The following SAV1 variants were observed in gnomAD, a reference collection of about 807,000 sequenced individuals.
SAV1 encodes protein salvador homolog 1.
SAV1 carries 23 observed loss-of-function variants against 47.3 expected under a neutral mutation model. The ratio of observed to expected loss-of-function variants is 0.49; its 90% CI spans 0.35 to 0.69. The LOEUF (loss-of-function observed/expected upper bound fraction) is 0.69. SAV1 is among the 30% of genes least tolerant of loss of function. The pLI is 0.01. For missense variants in SAV1, 448 were observed against 457.4 expected, an observed-to-expected ratio of 0.98 and a Z score of 0.19; for synonymous variants, 155 against 159.2, an observed-to-expected ratio of 0.97 and a Z score of 0.20.
Position 50,668,058 on chromosome 14 carries a change from C to T in SAV1, c.-91G>A, listed in dbSNP as rs966401700. ...GTCTCCGCCGCCACCTCCGCCGGCG[C>T]CGCCGCCTCCTTCCCTCCCGAGCCG... On this transcript the variant is annotated 5_prime_UTR_variant, in exon 1 of 5. Coordinates refer to ENST00000324679, the MANE Select transcript of SAV1 (RefSeq NM_021818.4). 6.6e-6 allele frequency: 6 copies of T among 909,928 alleles called. No individual in the cohort carries two copies. Among genetic ancestry groups the T allele is most frequent in the Admixed American group, 4.1e-5 (1 of 24,266 alleles). 56.4% of individuals were successfully genotyped at this position (909,928 alleles called of 1,614,324 possible). A position where few individuals can be genotyped will look rare whatever the true frequency, so the allele number is the denominator to read the frequency against.
At chr14:50,635,897 CAG>C (rs2039631105) in intron 4 of SAV1, among the ~76,000 whole-genome samples, 2 of 152,082 alleles carry the variant, frequency 1.3e-5, no homozygotes, top group Admixed American at 1.3e-4. Flanking sequence ...TTAGTAGAGA[CAG>C]AGTTTCACCA....
chr14:50,634,016 G>T lies in SAV1; in HGVS notation c.*1167C>A, dbSNP rs2039609904. 4 of 260,698 alleles carry T rather than the reference G, an allele frequency of 1.5e-5. No homozygotes were observed. The highest frequency in any genetic ancestry group is 3.2e-5 in the Non-Finnish European group (4 of 123,260). The allele number at this position is 260,698 out of a possible 1,614,324, so 16.1% of individuals were successfully genotyped here. On this transcript the variant is annotated 3_prime_UTR_variant, in exon 5 of 5. Transcript: ENST00000324679. ...TGATAAATACTTAGAAAATTAAAAA[G>T]TAATAATATACATTCGATTTAATGA... is the stretch of plus-strand genomic sequence containing the variant.
intron 3 of SAV1, among the ~76,000 whole-genome samples, chr14:50,643,435 C>T (rs1272334149): frequency 6.6e-6 from 1 of 152,042 alleles, no homozygotes; most frequent in African/African-American, 2.4e-5. Context: ...GGGGGAACTG[C>T]CACACACTTT....
At chr14:50,659,278 A>C (rs1037120270) in intron 2 of SAV1, among the ~76,000 whole-genome samples, 4 of 152,182 alleles carry the variant, frequency 2.6e-5, no homozygotes, top group African/African-American at 7.2e-5. Context: ...GTGTGTTCCA[A>C]TAAAACTACT....
intron 4 of SAV1, among the ~76,000 whole-genome samples, chr14:50,636,676 A>G (rs2039637787): frequency 6.6e-6 from 1 of 152,214 alleles, no homozygotes; most frequent in Admixed American, 6.5e-5. Context: ...TAAAGATGAA[A>G]AACACTAAAA....
rs75872530 is a variant in SAV1, at chr14:50,652,515, T to C, written c.536-7501A>G. On this transcript the variant is annotated intron_variant, in intron 2 of 4. Transcript: ENST00000324679. ...ATGCACAATATGAGCCTGGAACATC[T>C]AGTCACATTAGAAAGCAAAGAGAAA... 9.2e-3 allele frequency among the ~76,000 whole-genome samples: 1,401 copies of C among 152,228 alleles called. 28 individuals are homozygous for C. The highest frequency in any genetic ancestry group is 0.079 in the East Asian group (409 of 5,182).
intron 4 of SAV1, among the ~76,000 whole-genome samples, chr14:50,640,407 A>G (rs1233250314): frequency 2.0e-5 from 3 of 152,200 alleles, no homozygotes; most frequent in Non-Finnish European, 2.9e-5. Context: ...GGTGTGAGCC[A>G]CTGTGCCAAG....
At chr14:50,655,428 C>A (rs1566745395) in intron 2 of SAV1, among the ~76,000 whole-genome samples, 1 of 77,352 alleles carries the variant, frequency 1.3e-5, no homozygotes, top group Non-Finnish European at 2.2e-5. Flanking sequence ...ACAAAAGCTG[C>A]CTTTTTTTTT....
chr14:50,664,954 C>T (rs961468751), intron 2 of SAV1: 7 of 478,758 alleles, frequency 1.5e-5, no homozygotes, highest in Non-Finnish European at 2.3e-5. Context: ...GAGATAAATA[C>T]CAAGTTTACA....
intron 2 of SAV1, among the ~76,000 whole-genome samples, chr14:50,654,544 T>C (rs762700518): frequency 2.6e-5 from 4 of 152,182 alleles, no homozygotes; most frequent in Non-Finnish European, 5.9e-5. Flanking sequence ...CAGATCACCA[T>C]AACAGGCAGA....
chr14:50,665,272 G>C lies in SAV1; in HGVS notation c.442C>G (p.Leu148Val). The C allele has an allele frequency of 6.2e-7, 1 of 1,613,836 alleles. No individual in the cohort carries two copies. The highest frequency in any genetic ancestry group is 8.5e-7 in the Non-Finnish European group (1 of 1,179,804). ...TAGTCTTCATGTGCACGATCTCCAA[G>C]TGGCCGCTTTCTCTGACCATCAAAA... ...NFFDGQRKRP[L>V]GDRAHEDYRY... Residue 148 changes from leucine (L) to valine (V), a missense_variant, in exon 2 of 5, where the codon CTT (leucine) becomes GTT (valine). Coordinates refer to ENST00000324679, the MANE Select transcript of SAV1 (RefSeq NM_021818.4).
At chr14:50,638,543 A>C (rs1045814881) in intron 4 of SAV1, among the ~76,000 whole-genome samples, 3 of 152,050 alleles carry the variant, frequency 2.0e-5, no homozygotes, top group Non-Finnish European at 4.4e-5. Context: ...CATGTAGCCT[A>C]AGTCCCCTGC....
At chr14:50,642,645 A>T (rs919967572) in intron 3 of SAV1, among the ~76,000 whole-genome samples, 1 of 152,210 alleles carries the variant, frequency 6.6e-6, no homozygotes, top group Non-Finnish European at 1.5e-5. Context: ...AGGGAGAAAA[A>T]AAAGAAAATG....
chr14:50,660,949 T>C (rs1454300189), intron 2 of SAV1, among the ~76,000 whole-genome samples: 12 of 152,228 alleles, frequency 7.9e-5, no homozygotes, highest in Admixed American at 7.9e-4. Context: ...GATATACTGA[T>C]TTCTTTTCCT....
chr14:50,659,309 A>G (rs114969218), intron 2 of SAV1, among the ~76,000 whole-genome samples: 489 of 152,298 alleles, frequency 3.2e-3, no homozygotes, highest in African/African-American at 0.011. Flanking sequence ...AGGCAAGTCT[A>G]TCTGGCCTAT....
intron 2 of SAV1, among the ~76,000 whole-genome samples, chr14:50,660,404 C>T (rs559914031): frequency 1.1e-4 from 17 of 152,304 alleles, no homozygotes; most frequent in South Asian, 2.1e-4. Flanking sequence ...TTCTTCTTTA[C>T]AGTATCTGCT....
Position 50,635,331 on chromosome 14 carries a change from T to C in SAV1, c.1004A>G (p.Tyr335Cys), listed in dbSNP as rs778004302. 4 of 1,613,974 alleles carry C rather than the reference T, an allele frequency of 2.5e-6. No individual in the cohort carries two copies. Reference protein sequence around the residue: ...ELFQLADLDTYQGMLKLLFMK... With the variant: ...ELFQLADLDTCQGMLKLLFMK... ...GAAGAGCAACTTTAGCATTCCCTGG[T>C]ATGTATCCAGGTCAGCCAGCTGGAA... The change falls in exon 5 of 5, where the codon TAC becomes TGC. Residue 335 changes from tyrosine to cysteine, a missense_variant. By Grantham distance (194) the Tyr-to-Cys change is radical (BLOSUM62 -2). Transcript: ENST00000324679.
chr14:50,646,731 GAT>G (rs948559476), intron 2 of SAV1, among the ~76,000 whole-genome samples: 2 of 148,776 alleles, frequency 1.3e-5, no homozygotes, highest in Non-Finnish European at 3.0e-5. Flanking sequence ...TGTAGATACA[GAT>G]AGTTATTAAA....
At chr14:50,635,847 T>C (rs918799859) in intron 4 of SAV1, among the ~76,000 whole-genome samples, 21 of 152,158 alleles carry the variant, frequency 1.4e-4, no homozygotes, top group Non-Finnish European at 1.6e-4. Flanking sequence ...GTAGCTGGGA[T>C]TACAGGCATG....
Sources: allele counts gnomAD v4.1 joint callset (sites outside exome capture counted in the v4.1 genomes callset), GRCh38; gene constraint gnomAD v4.1.1; transcripts MANE v1.5; gene names NCBI Gene and HGNC (gene_info 2026-07-23, HGNC 2026-07-21).